The following ANKRD33B variants were observed in gnomAD, a reference collection of about 807,000 sequenced individuals.
ANKRD33B encodes the protein ankyrin repeat domain-containing protein 33B.
A neutral mutation model predicts 21.5 loss-of-function variants in ANKRD33B; 6 were observed. The observed-to-expected ratio is 0.28, with a 90% CI of 0.15 to 0.55. The LOEUF is 0.55. Ranked by LOEUF, ANKRD33B falls within the 20% of genes least tolerant of loss-of-function variation. The pLI, the probability that ANKRD33B is intolerant of heterozygous loss-of-function variation, is 0.94. For missense variants in ANKRD33B, 698 were observed against 747.2 expected (o/e 0.93, Z 0.77); for synonymous variants, 347 against 342.4 (o/e 1.01, Z -0.15).
intron 2 of ANKRD33B, among the ~76,000 whole-genome samples, chr5:10,623,066 A>G (rs1160056516): frequency 6.6e-6 from 1 of 151,942 alleles, no homozygotes; most frequent in Non-Finnish European, 1.5e-5. Flanking sequence ...TTCCAAGTTG[A>G]GTGTGGCATG....
chr5:10,577,396 T>C (rs931040724), intron 1 of ANKRD33B, among the ~76,000 whole-genome samples: 1 of 152,200 alleles, frequency 6.6e-6, no homozygotes. Context: ...TCCCGTAGAT[T>C]ACAGGCGTGA....
At chr5:10,598,073 C>T (rs886204739) in intron 1 of ANKRD33B, among the ~76,000 whole-genome samples, 1 of 152,132 alleles carries the variant, frequency 6.6e-6, no homozygotes, top group Non-Finnish European at 1.5e-5. Context: ...CCTCCCACAT[C>T]CAGATGTCTG....
At position 10,633,634 on chromosome 5, in the gene ANKRD33B, G is replaced by A. The variant is rs148569195; in HGVS notation, c.497-4394G>A. 6.1e-4 allele frequency among the ~76,000 whole-genome samples: 93 copies of A among 152,276 alleles called. No homozygotes were observed. The East Asian group carries it at 0.017, about 28-fold the overall frequency. ...AGCGTTTCCCGGATTTCCTTTTTCT[G>A]TTGCAGGATCGCATGTGGCATTTAG... On this transcript the variant is annotated intron_variant, in intron 2 of 3. Coordinates refer to ENST00000296657, the MANE Select transcript of ANKRD33B (RefSeq NM_001164440.2).
chr5:10,626,821 G>T (rs1317684297), intron 2 of ANKRD33B, among the ~76,000 whole-genome samples: 3 of 152,194 alleles, frequency 2.0e-5, no homozygotes, highest in East Asian at 3.8e-4. Context: ...ACCAACCAGG[G>T]TTGCGTCACA....
intron 1 of ANKRD33B, among the ~76,000 whole-genome samples, chr5:10,585,734 G>T (rs1484738195): frequency 6.6e-6 from 1 of 152,230 alleles, no homozygotes; most frequent in African/African-American, 2.4e-5. Context: ...ACCATGCTGG[G>T]TGAGGGCGCT....
intron 1 of ANKRD33B, among the ~76,000 whole-genome samples, chr5:10,609,845 G>A (rs1736126875): frequency 6.6e-6 from 1 of 152,166 alleles, no homozygotes; most frequent in African/African-American, 2.4e-5. Flanking sequence ...GGAGATGGAG[G>A]CTGCCGTGAG....
chr5:10,608,205 A>G (rs531114605), intron 1 of ANKRD33B, among the ~76,000 whole-genome samples: 43 of 151,382 alleles, frequency 2.8e-4, no homozygotes, highest in African/African-American at 9.9e-4. Flanking sequence ...ACAAAAAAAA[A>G]AAAAAAAATG....
At chr5:10,606,689 G>A (rs976466386) in intron 1 of ANKRD33B, among the ~76,000 whole-genome samples, 7 of 151,430 alleles carry the variant, frequency 4.6e-5, no homozygotes, top group Non-Finnish European at 7.4e-5. Flanking sequence ...ACCTGAGATC[G>A]TGCCACTGCA....
chr5:10,620,786 T>C (rs1390979737), intron 2 of ANKRD33B, among the ~76,000 whole-genome samples: 1 of 152,186 alleles, frequency 6.6e-6, no homozygotes, highest in African/African-American at 2.4e-5. Context: ...CTGGTGTGGG[T>C]GATGCTAAAT....
At chr5:10,646,638 CT>C (rs566811228) in intron 3 of ANKRD33B, among the ~76,000 whole-genome samples, 1 of 152,110 alleles carries the variant, frequency 6.6e-6, no homozygotes, top group Non-Finnish European at 1.5e-5. Context: ...TAGTTTGTTC[CT>C]TTTTTAAGTG....
chr5:10,615,624 G>A (rs1560974856), intron 1 of ANKRD33B, among the ~76,000 whole-genome samples: 1 of 152,220 alleles, frequency 6.6e-6, no homozygotes, highest in Non-Finnish European at 1.5e-5. Context: ...GTGTGCATAT[G>A]TGTGTGTCTG....
chr5:10,641,859 G>C (rs568915283), intron 3 of ANKRD33B, among the ~76,000 whole-genome samples: 1 of 152,184 alleles, frequency 6.6e-6, no homozygotes, highest in South Asian at 2.1e-4. Context: ...ATTCAGAGAT[G>C]ATAGTTTTAT....
intron 1 of ANKRD33B, among the ~76,000 whole-genome samples, chr5:10,570,160 A>G (rs1033125249): frequency 6.6e-6 from 1 of 152,158 alleles, no homozygotes; most frequent in African/African-American, 2.4e-5. Context: ...TACAGGCATG[A>G]GCCACTGCAC....
At chr5:10,643,491 C>T (rs1229951070) in intron 3 of ANKRD33B, among the ~76,000 whole-genome samples, 3 of 152,058 alleles carry the variant, frequency 2.0e-5, no homozygotes, top group Admixed American at 6.6e-5. Context: ...TACTCTTCCT[C>T]GCTTGTTCTG....
intron 1 of ANKRD33B, among the ~76,000 whole-genome samples, chr5:10,592,961 C>A (rs1184688827): frequency 6.6e-6 from 1 of 152,124 alleles, no homozygotes; most frequent in Non-Finnish European, 1.5e-5. Flanking sequence ...TATTTCAACC[C>A]CAGTTCCTTC....
intron 2 of ANKRD33B, among the ~76,000 whole-genome samples, chr5:10,635,835 C>T (rs7703985): frequency 0.42 from 64,312 of 152,010 alleles, 13,846 homozygotes; most frequent in Middle Eastern, 0.56. Context: ...CTTGATATAT[C>T]GGAGGGTTTC....
intron 1 of ANKRD33B, among the ~76,000 whole-genome samples, chr5:10,606,616 C>T (rs1422836498): frequency 6.6e-6 from 1 of 152,076 alleles, no homozygotes; most frequent in East Asian, 2.0e-4. Context: ...TGCCTGTAGT[C>T]CCAGCTACTC....
intron 1 of ANKRD33B, among the ~76,000 whole-genome samples, chr5:10,577,091 T>C (rs1027050947): frequency 5.3e-5 from 8 of 151,104 alleles, no homozygotes; most frequent in Admixed American, 1.3e-4. Flanking sequence ...CCTTTCCCTT[T>C]CCCTTCCCCT....
intron 1 of ANKRD33B, among the ~76,000 whole-genome samples, chr5:10,575,953 G>A (rs1024610167): frequency 6.6e-6 from 1 of 151,272 alleles, no homozygotes; most frequent in African/African-American, 2.4e-5. Flanking sequence ...GCTACGTGGG[G>A]GTTAAAATTG....
Sources: allele counts gnomAD v4.1 joint callset (sites outside exome capture counted in the v4.1 genomes callset), GRCh38; gene constraint gnomAD v4.1.1; transcripts MANE v1.5; gene names NCBI Gene and HGNC (gene_info 2026-07-23, HGNC 2026-07-21).